Variants in EIF4G3 observed in about 807,000 individuals in gnomAD.
The protein encoded by EIF4G3 is eIF-4-gamma 3.
A neutral mutation model predicts 186.4 loss-of-function variants in EIF4G3; 34 were observed. That is an observed-to-expected ratio of 0.18 (90% CI 0.14 to 0.24). EIF4G3 has a LOEUF of 0.24. Ranked by LOEUF, EIF4G3 falls within the 10% of genes least tolerant of loss-of-function variation. EIF4G3 has a pLI of 1.00. For missense variants in EIF4G3, 1,536 were observed against 1,948.5 expected (o/e 0.79, Z 3.99); for synonymous variants, 673 against 679.5 (o/e 0.99, Z 0.15).
At chr1:21,164,910 G>C (rs1157856941) in intron 2 of EIF4G3, among the ~76,000 whole-genome samples, 2 of 152,042 alleles carry the variant, frequency 1.3e-5, no homozygotes, top group East Asian at 3.9e-4. Flanking sequence ...TGCAACTCCT[G>C]TATCTGTTAA....
chr1:20,913,678 C>T (rs2154558601), intron 14 of EIF4G3, among the ~76,000 whole-genome samples: 2 of 151,624 alleles, frequency 1.3e-5, no homozygotes, highest in Admixed American at 1.3e-4. Context: ...AAATTTTTTC[C>T]CTGTTTTCTT....
intron 14 of EIF4G3, among the ~76,000 whole-genome samples, chr1:20,940,865 G>C (rs2095685813): frequency 6.6e-6 from 1 of 151,888 alleles, no homozygotes; most frequent in Non-Finnish European, 1.5e-5. Flanking sequence ...ATTTGAACTG[G>C]GAAGAATATA....
chr1:20,917,786 T>A (rs909892019), intron 14 of EIF4G3, among the ~76,000 whole-genome samples: 5 of 152,200 alleles, frequency 3.3e-5, no homozygotes, highest in Non-Finnish European at 2.9e-5. Context: ...ATAGAAATAC[T>A]GAAGTGTTCT....
chr1:20,889,637 C>A (rs533230008), intron 18 of EIF4G3, among the ~76,000 whole-genome samples: 4 of 151,966 alleles, frequency 2.6e-5, no homozygotes, highest in Non-Finnish European at 4.4e-5. Flanking sequence ...ACTACAGGCG[C>A]CCGCCACCAC....
At chr1:20,839,972 A>G (rs1261359729) in intron 30 of EIF4G3, among the ~76,000 whole-genome samples, 1 of 152,082 alleles carries the variant, frequency 6.6e-6, no homozygotes, top group Admixed American at 6.5e-5. Flanking sequence ...ATTTGATTCA[A>G]TAAGCATATG....
intron 14 of EIF4G3, among the ~76,000 whole-genome samples, chr1:20,936,796 G>C (rs889142239): frequency 3.9e-5 from 6 of 152,158 alleles, no homozygotes; most frequent in African/African-American, 1.4e-4. Context: ...TTACACTTCA[G>C]TAAGTCTAAA....
chr1:21,066,370 A>G (rs574186483), intron 3 of EIF4G3, among the ~76,000 whole-genome samples: 1 of 152,264 alleles, frequency 6.6e-6, no homozygotes, highest in South Asian at 2.1e-4. Flanking sequence ...TGAACAAAGA[A>G]TAACAATATA....
chr1:21,127,585 T>A (rs1229434092), intron 2 of EIF4G3, among the ~76,000 whole-genome samples: 1 of 152,218 alleles, frequency 6.6e-6, no homozygotes, highest in East Asian at 1.9e-4. Context: ...ATGAATGCAT[T>A]CCTTAACCCT....
At chr1:20,974,869 T>C (rs1335391187) in intron 10 of EIF4G3, among the ~76,000 whole-genome samples, 1 of 152,148 alleles carries the variant, frequency 6.6e-6, no homozygotes, top group African/African-American at 2.4e-5. Flanking sequence ...GGATAATTGA[T>C]TCACCGTAAC....
intron 30 of EIF4G3, among the ~76,000 whole-genome samples, chr1:20,834,746 A>T (rs1260629094): frequency 2.0e-5 from 3 of 152,236 alleles, no homozygotes; most frequent in African/African-American, 7.2e-5. Context: ...AGGGCAATTG[A>T]TTATCTGAAG....
At chr1:21,166,758 A>C (rs2097862090) in intron 2 of EIF4G3, among the ~76,000 whole-genome samples, 1 of 151,932 alleles carries the variant, frequency 6.6e-6, no homozygotes, top group African/African-American at 2.4e-5. Flanking sequence ...AAATAAATAA[A>C]TGAATTAAGG....
At chr1:20,844,118 C>T (rs954232177) in intron 29 of EIF4G3, among the ~76,000 whole-genome samples, 2 of 152,090 alleles carry the variant, frequency 1.3e-5, no homozygotes, top group Non-Finnish European at 2.9e-5. Flanking sequence ...AATGAACATA[C>T]GTGTGCATGT....
At chr1:21,155,074 C>T (rs558890346) in intron 2 of EIF4G3, among the ~76,000 whole-genome samples, 11 of 151,794 alleles carry the variant, frequency 7.2e-5, no homozygotes, top group African/African-American at 2.4e-4. Flanking sequence ...ACCAGCCTGG[C>T]CAACATAGAG....
chr1:21,159,005 GA>G (rs139294021), intron 2 of EIF4G3, among the ~76,000 whole-genome samples: 4,208 of 150,062 alleles, frequency 0.028, 91 homozygotes, highest in Non-Finnish European at 0.038. Flanking sequence ...AGAAAAAAAA[GA>G]AAAAAAAACC....
At chr1:21,089,824 G>A (rs2096124342) in intron 2 of EIF4G3, among the ~76,000 whole-genome samples, 1 of 150,930 alleles carries the variant, frequency 6.6e-6, no homozygotes, top group Admixed American at 6.6e-5. Flanking sequence ...TGAATTCAAA[G>A]AAATGACCCA....
rs1215046591 is a variant in EIF4G3 at position 20,984,740 on chromosome 1, C to A, written c.178-2332G>T. Among the ~76,000 whole-genome samples the A allele has an allele frequency of 2.6e-5, 4 of 152,052 alleles. No homozygotes were observed. The East Asian group carries it at 7.8e-4, about 30-fold the overall frequency. On this transcript the variant is annotated intron_variant, in intron 7 of 36. Coordinates refer to ENST00000602326, the MANE Select transcript of EIF4G3 (RefSeq NM_001391906.1). ...GAGTAGCTGGGACTACAGCCACATG[C>A]CACCACGCCCAGCTAATTTTTGTAT...
chr1:21,024,255 G>T (rs374278206), intron 4 of EIF4G3, among the ~76,000 whole-genome samples: 1 of 150,906 alleles, frequency 6.6e-6, no homozygotes, highest in Non-Finnish European at 1.5e-5. Flanking sequence ...CGCCCCGTCC[G>T]GGAGGTGAGG....
chr1:21,095,974 C>G (rs986492023), intron 2 of EIF4G3, among the ~76,000 whole-genome samples: 2 of 152,190 alleles, frequency 1.3e-5, no homozygotes, highest in African/African-American at 2.4e-5. Context: ...AATGCCCTCA[C>G]ATTTTTAGTT....
chr1:21,117,793 G>A (rs997769335), intron 2 of EIF4G3, among the ~76,000 whole-genome samples: 5 of 144,832 alleles, frequency 3.5e-5, no homozygotes, highest in African/African-American at 1.3e-4. Flanking sequence ...TGGGGAGTTC[G>A]CCTCTTTAGG....
Sources: allele counts gnomAD v4.1 joint callset (sites outside exome capture counted in the v4.1 genomes callset), GRCh38; gene constraint gnomAD v4.1.1; transcripts MANE v1.5; gene names NCBI Gene and HGNC (gene_info 2026-07-23, HGNC 2026-07-21).